Variants in NUP58 observed in about 807,000 individuals in gnomAD.
NUP58 encodes nucleoporin 58.
A neutral mutation model predicts 70.1 loss-of-function variants in NUP58; 17 were observed. That is an observed-to-expected ratio of 0.24 (90% confidence interval 0.17 to 0.36). NUP58 has a LOEUF of 0.36. Among genes scored for constraint, NUP58 ranks in the 10% least tolerant of loss-of-function variants. NUP58 has a pLI of 1.00. For synonymous variants in NUP58, 275 were observed against 257.6 expected, an observed-to-expected ratio of 1.07 and a Z score of -0.65; for missense variants, 644 against 701.5, an observed-to-expected ratio of 0.92 and a Z score of 0.93.
In NUP58 at chr13:25,327,018, A is replaced by G. The variant is rs2031421309; in HGVS notation, c.1134A>G (p.Ser378=). ...ATCTTGCCACTCAAGCAAATAATTC[A>G]CATATAACCCCTCAAGGTAACATGC... ...ENHLATQANN[S]HITPQDLSMA... Residue 378 remains serine, a synonymous_variant, in exon 11 of 16, where the codon TCA becomes TCG. Coordinates refer to ENST00000381736, the MANE Select transcript of NUP58 (RefSeq NM_014089.4). The G allele has an allele frequency of 6.3e-7, 1 of 1,588,416 alleles. No individual in the cohort carries two copies. The highest frequency in any genetic ancestry group is 1.7e-5 in the Admixed American group (1 of 58,744).
At position 25,319,350 on chromosome 13, in the gene NUP58, A is replaced by C. The variant is rs140200991; in HGVS notation, c.710A>C (p.Glu237Ala). ...GGTGATAAAACGGGAACAAGACCAGAGTAAGTTTACAAATTTACCCTTAAG... is the reference window on the plus strand; with the variant it reads ...GGTGATAAAACGGGAACAAGACCAGCGTAAGTTTACAAATTTACCCTTAAG... ...KKSDKTGTRP[E>A]DSKALKDENL... The change falls in exon 7 of 16, where the codon GAG (glutamate) becomes GCG (alanine). Residue 237 changes from glutamate to alanine, a missense_variant and splice_region_variant. Around this residue, in one of 4 missense-constraint regions of NUP58, gnomAD observed 430 missense variants for 409.2 expected, o/e 1.05. Coordinates refer to ENST00000381736, the MANE Select transcript of NUP58 (RefSeq NM_014089.4). 2 of 1,612,608 alleles carry C rather than the reference A, an allele frequency of 1.2e-6. No homozygotes were observed. The highest frequency in any genetic ancestry group is 1.7e-6 in the Non-Finnish European group (2 of 1,178,966).
chr13:25,319,837 A>T (rs1180070319), intron 7 of NUP58, among the ~76,000 whole-genome samples: 5 of 152,112 alleles, frequency 3.3e-5, no homozygotes, highest in African/African-American at 1.2e-4. Flanking sequence ...ATATTAAATA[A>T]AGCATTCATA....
chr13:25,305,780 T>A (rs2030320835), intron 1 of NUP58, among the ~76,000 whole-genome samples: 1 of 152,182 alleles, frequency 6.6e-6, no homozygotes, highest in Non-Finnish European at 1.5e-5. Flanking sequence ...GCTTGAATTA[T>A]CTCCTGCTTG....
chr13:25,336,280 G>C (rs1354909079), intron 13 of NUP58: 1 of 1,353,976 alleles, frequency 7.4e-7, no homozygotes, highest in African/African-American at 1.5e-5. Context: ...TGAACAAGTT[G>C]GAATTGTCAT....
At chr13:25,307,974 A>G in intron 2 of NUP58, 26 bp downstream of exon 2, 1 of 1,611,396 alleles carries the variant, frequency 6.2e-7, no homozygotes, top group Admixed American at 1.7e-5. Flanking sequence ...TCACATTGTC[A>G]GAGAGTAGGC....
In NUP58 at chr13:25,321,106, AT is replaced by A; in HGVS notation, c.951+14del. ...AGAAACTGCTCAGGTATACCAACTT[AT>A]GGCCATTTTACCGTAGGGTTTTTTT... is the stretch of plus-strand genomic sequence containing the variant. On this transcript the variant is annotated intron_variant, in intron 9 of 15. Coordinates refer to ENST00000381736, the MANE Select transcript of NUP58 (RefSeq NM_014089.4). 7 of 1,556,480 alleles carry A rather than the reference AT, an allele frequency of 4.5e-6. No homozygotes were observed. The highest frequency in any genetic ancestry group is 6.0e-6 in the Non-Finnish European group (7 of 1,157,284).
At chr13:25,342,895 T>G (rs2031994103), downstream of NUP58, among the ~76,000 whole-genome samples, 1 of 152,280 alleles carries the variant, frequency 6.6e-6, no homozygotes. Flanking sequence ...TTCCCTTCTA[T>G]TAGTATATCA....
At position 25,326,976 on chromosome 13, in the gene NUP58, T is replaced by A. The variant is rs1308983726; in HGVS notation, c.1092T>A (p.Ile364=). 6.2e-7 allele frequency: 1 copy of A among 1,608,142 alleles called. No individual in the cohort carries two copies. Among genetic ancestry groups the A allele is most frequent in the Non-Finnish European group, 8.5e-7 (1 of 1,176,824 alleles). ...AGCTTCAGCAGTACAGGCAGCAGAT[T>A]GAAGAACTAGAAAACCATCTTGCCA... ...EVQLQQYRQQ[I]EELENHLATQ... is the part of the protein sequence containing the mutation. The change falls in exon 11 of 16, where the codon ATT becomes ATA. Residue 364 remains isoleucine, a synonymous_variant. Coordinates refer to ENST00000381736, the MANE Select transcript of NUP58 (RefSeq NM_014089.4).
At chr13:25,310,945 C>A (rs1405862552) in intron 3 of NUP58, among the ~76,000 whole-genome samples, 1 of 152,138 alleles carries the variant, frequency 6.6e-6, no homozygotes, top group East Asian at 1.9e-4. Flanking sequence ...ACATTGGGAA[C>A]TGCTAAGGGT....
At chr13:25,332,909 TA>T (rs532918953) in intron 13 of NUP58, 334 of 985,298 alleles carry the variant, frequency 3.4e-4, no homozygotes, top group Non-Finnish European at 3.9e-4. Context: ...CCTAACCAGT[TA>T]ATCAAACCAA....
At chr13:25,305,130 GTTTTTTT>G (rs562132125) in intron 1 of NUP58, among the ~76,000 whole-genome samples, 1 of 58,564 alleles carries the variant, frequency 1.7e-5, no homozygotes, top group African/African-American at 5.1e-5. Context: ...GATCTGTGGG[GTTTTTTT>G]TTTTTTTTTT....
chr13:25,338,934 A>T (rs1367233186), intron 15 of NUP58: 3 of 379,214 alleles, frequency 7.9e-6, no homozygotes, highest in Non-Finnish European at 9.5e-6. Context: ...AATACTTCTA[A>T]CAAGACTTCT....
intron 3 of NUP58, among the ~76,000 whole-genome samples, chr13:25,312,674 T>C (rs1315111304): frequency 6.6e-6 from 1 of 152,232 alleles, no homozygotes; most frequent in Non-Finnish European, 1.5e-5. Flanking sequence ...GGCCATTCTT[T>C]TGTTTTTCTT....
intron 4 of NUP58, 21 bp from the exon 5 acceptor site, chr13:25,313,593 T>A: frequency 6.8e-7 from 1 of 1,467,900 alleles, no homozygotes; most frequent in Non-Finnish European, 9.0e-7. Context: ...TTTTGAAAGC[T>A]TACTATCTCT....
chr13:25,323,390 A>C (rs949629021), intron 9 of NUP58, among the ~76,000 whole-genome samples: 11 of 150,588 alleles, frequency 7.3e-5, no homozygotes, highest in African/African-American at 2.2e-4. Context: ...AAAAAAAAAA[A>C]GATTTTTATT....
rs541334273 is a variant in NUP58, at chr13:25,315,343, T to C, written c.575-14T>C. On this transcript the variant is annotated splice_polypyrimidine_tract_variant and intron_variant, in intron 5 of 15. Transcript: ENST00000381736. ...GTCTTTTGATGGAATTTATAAGTTA[T>C]GTTTTATTTATAGGACTTGGACAGA... is the stretch of plus-strand genomic sequence containing the variant. The C allele has an allele frequency of 1.9e-5, 30 of 1,574,628 alleles. No homozygotes were observed. The South Asian group carries it at 2.7e-4, about 14-fold the overall frequency.
intron 6 of NUP58, 53 bp downstream of exon 6, chr13:25,315,520 C>A: frequency 7.8e-7 from 1 of 1,281,470 alleles, no homozygotes; most frequent in Non-Finnish European, 1.1e-6. Context: ...GAGGGAATGT[C>A]TAGGTTGCTC....
At chr13:25,333,052 A>C (rs1271678825) in intron 13 of NUP58, 1 of 984,778 alleles carries the variant, frequency 1.0e-6, no homozygotes, top group Non-Finnish European at 1.2e-6. Flanking sequence ...CAGTTATATA[A>C]AAAGTTATGT....
chr13:25,310,519 C>T (rs1217151542), intron 3 of NUP58, among the ~76,000 whole-genome samples: 7 of 53,584 alleles, frequency 1.3e-4, no homozygotes, highest in South Asian at 9.0e-4. Context: ...TGTGCCTGGC[C>T]TTTTTTTTTT....
Sources: gnomAD v4.1 joint callset for allele counts (sites outside exome capture counted in the v4.1 genomes callset) on GRCh38, gnomAD v4.1.1 for gene constraint, gnomAD v4.1.1 regional missense constraint, MANE v1.5 for transcripts, NCBI Gene and HGNC (gene_info 2026-07-23, HGNC 2026-07-21) for gene names.